CHST11: variants seen among roughly 807,000 people sequenced by gnomAD.
CHST11 encodes the protein carbohydrate sulfotransferase 11.
CHST11 carries 9 observed loss-of-function variants against 30.4 expected under a neutral mutation model. That is an observed-to-expected ratio of 0.30 (90% CI 0.18 to 0.52). CHST11 has a LOEUF of 0.52. Ranked by LOEUF, CHST11 falls within the 20% of genes least tolerant of loss-of-function variation. CHST11 has a pLI of 0.97. For synonymous variants in CHST11, 152 were observed against 187.8 expected, an observed-to-expected ratio of 0.81 and a Z score of 1.56; for missense variants, 348 against 460.6, an observed-to-expected ratio of 0.76 and a Z score of 2.24.
At chr12:104,543,958 C>CA (rs972069433) in intron 1 of CHST11, among the ~76,000 whole-genome samples, 3 of 151,310 alleles carry the variant, frequency 2.0e-5, no homozygotes, top group Non-Finnish European at 4.4e-5. Context: ...CCCATCTATG[C>CA]AAAAAATTTT....
intron 1 of CHST11, among the ~76,000 whole-genome samples, chr12:104,558,534 A>C: frequency 7.8e-6 from 1 of 127,936 alleles, no homozygotes; most frequent in Non-Finnish European, 1.6e-5. Flanking sequence ...TGTTCAGCAG[A>C]AATTCCCCCC....
chr12:104,731,339 G>T (rs560572946), intron 2 of CHST11, among the ~76,000 whole-genome samples: 1 of 152,196 alleles, frequency 6.6e-6, no homozygotes, highest in Non-Finnish European at 1.5e-5. Flanking sequence ...AACCAAAGCC[G>T]AAAGAAGTAC....
intron 1 of CHST11, among the ~76,000 whole-genome samples, chr12:104,483,578 T>C (rs189501300): frequency 9.8e-5 from 15 of 152,318 alleles, no homozygotes; most frequent in African/African-American, 3.6e-4. Context: ...TGTGATTCAT[T>C]CAGCCTGCCA....
intron 1 of CHST11, among the ~76,000 whole-genome samples, chr12:104,569,571 G>A (rs1229599337): frequency 6.6e-6 from 1 of 152,174 alleles, no homozygotes; most frequent in Non-Finnish European, 1.5e-5. Flanking sequence ...AGGTACAGCA[G>A]ACCTATTGGA....
intron 2 of CHST11, among the ~76,000 whole-genome samples, chr12:104,731,236 C>A (rs2040254845): frequency 1.3e-5 from 2 of 152,172 alleles, no homozygotes; most frequent in South Asian, 4.1e-4. Flanking sequence ...TATCTATCAC[C>A]CAGACACGGC....
chr12:104,696,121 C>T (rs1159342885), intron 2 of CHST11, among the ~76,000 whole-genome samples: 1 of 152,148 alleles, frequency 6.6e-6, no homozygotes, highest in East Asian at 1.9e-4. Flanking sequence ...TGCATGCTCC[C>T]TTTGCTGTGC....
chr12:104,555,591 C>A (rs2038447423), intron 1 of CHST11, among the ~76,000 whole-genome samples: 1 of 152,218 alleles, frequency 6.6e-6, no homozygotes, highest in African/African-American at 2.4e-5. Context: ...ATTGCCACTC[C>A]CTAGCTGTGG....
chr12:104,467,070 A>G (rs2037466986), intron 1 of CHST11, among the ~76,000 whole-genome samples: 1 of 152,194 alleles, frequency 6.6e-6, no homozygotes, highest in Admixed American at 6.5e-5. Flanking sequence ...GGAATAGGAT[A>G]GTTAAAAGTA....
At chr12:104,520,483 T>A (rs2038064271) in intron 1 of CHST11, among the ~76,000 whole-genome samples, 1 of 152,108 alleles carries the variant, frequency 6.6e-6, no homozygotes, top group African/African-American at 2.4e-5. Flanking sequence ...TAGCCACTTG[T>A]GTAACCTTTT....
chr12:104,704,129 C>CTTA (rs2040013399), intron 2 of CHST11, among the ~76,000 whole-genome samples: 1 of 152,210 alleles, frequency 6.6e-6, no homozygotes, highest in South Asian at 2.1e-4. Context: ...GCACACACTG[C>CTTA]TTAGTTCAGG....
intron 1 of CHST11, among the ~76,000 whole-genome samples, chr12:104,523,377 TG>T (rs2038091742): frequency 1.3e-5 from 2 of 152,254 alleles, no homozygotes; most frequent in Non-Finnish European, 2.9e-5. Context: ...AAATCCCATC[TG>T]GAAGTGTCAT....
intron 2 of CHST11, among the ~76,000 whole-genome samples, chr12:104,693,738 A>G (rs1046625656): frequency 6.6e-6 from 1 of 152,192 alleles, no homozygotes; most frequent in Non-Finnish European, 1.5e-5. Flanking sequence ...GATGAGATTG[A>G]TGGATAAGTA....
intron 1 of CHST11, among the ~76,000 whole-genome samples, chr12:104,480,172 G>T (rs531011041): frequency 6.6e-6 from 1 of 152,228 alleles, no homozygotes; most frequent in South Asian, 2.1e-4. Context: ...CATCTGCTTA[G>T]TCAGTGCACT....
intron 1 of CHST11, among the ~76,000 whole-genome samples, chr12:104,467,820 A>G (rs1464044438): frequency 6.6e-6 from 1 of 152,212 alleles, no homozygotes; most frequent in Non-Finnish European, 1.5e-5. Context: ...AGGACACTTA[A>G]CATTTCTTAA....
In CHST11 at chr12:104,601,929, G is replaced by A. The variant is rs2136047080; in HGVS notation, c.142G>A (p.Val48Met). The change falls in exon 2 of 3, where the codon GTG becomes ATG. Residue 48 changes from valine (V) to methionine (M), a missense_variant. This residue lies in a region of CHST11 where 135 missense variants were observed against 155.8 expected (regional missense o/e 0.87). Coordinates refer to ENST00000303694, the MANE Select transcript of CHST11 (RefSeq NM_018413.6). ...AGTCATGCGGAGGAATCCCTTTGGT[G>A]TGGACATCTGCTGCCGGAAGGGGTC... ...HPVMRRNPFG[V>M]DICCRKGSRS... The A allele has an allele frequency of 6.2e-7, 1 of 1,614,048 alleles. No individual in the cohort carries two copies. The highest frequency in any genetic ancestry group is 1.1e-5 in the South Asian group (1 of 91,072).
intron 1 of CHST11, among the ~76,000 whole-genome samples, chr12:104,581,125 C>G (rs2038739248): frequency 6.6e-6 from 1 of 152,284 alleles, no homozygotes; most frequent in South Asian, 2.1e-4. Flanking sequence ...CTCCCATCAG[C>G]CTTTTCTGAG....
At chr12:104,476,201 CA>C (rs900918644) in intron 1 of CHST11, among the ~76,000 whole-genome samples, 19 of 143,598 alleles carry the variant, frequency 1.3e-4, no homozygotes, top group South Asian at 1.3e-3. Context: ...TAAACACATG[CA>C]AAAACAATAT....
intron 2 of CHST11, among the ~76,000 whole-genome samples, chr12:104,753,953 C>A (rs566252542): frequency 6.6e-6 from 1 of 152,100 alleles, no homozygotes; most frequent in Non-Finnish European, 1.5e-5. Context: ...AAGGCCCAGG[C>A]CCCATATTTG....
At chr12:104,625,707 A>G (rs2039208051) in intron 2 of CHST11, among the ~76,000 whole-genome samples, 1 of 152,208 alleles carries the variant, frequency 6.6e-6, no homozygotes, top group Non-Finnish European at 1.5e-5. Context: ...AGGATTCCAT[A>G]AAACAGGTGC....
Sources: allele counts gnomAD v4.1 joint callset (sites outside exome capture counted in the v4.1 genomes callset), GRCh38; gene constraint gnomAD v4.1.1; regional missense constraint gnomAD v4.1.1; transcripts MANE v1.5; gene names NCBI Gene and HGNC (gene_info 2026-07-23, HGNC 2026-07-21).